The following DENND2B variants were observed in gnomAD, a reference collection of about 807,000 sequenced individuals.
The protein encoded by DENND2B is DENN domain containing 2B.
A neutral mutation model predicts 116.0 loss-of-function variants in DENND2B; 32 were observed. The observed-to-expected ratio is 0.28, with a 90% CI of 0.21 to 0.37. The LOEUF is 0.37. DENND2B is among the 10% of genes least tolerant of loss of function. The pLI, the probability that DENND2B is intolerant of heterozygous loss-of-function variation, is 1.00. For synonymous variants in DENND2B, 588 were observed against 583.9 expected (o/e 1.01, Z -0.10); for missense variants, 1,276 against 1,477.7 (o/e 0.86, Z 2.24).
upstream of DENND2B, among the ~76,000 whole-genome samples, chr11:8,812,051 A>G (rs1362648552): frequency 6.6e-6 from 1 of 152,192 alleles, no homozygotes; most frequent in Admixed American, 6.5e-5. Context: ...TGACCATTTT[A>G]TAGATGGAAA....
At chr11:8,827,832 T>C (rs1201873995) in intron 4 of DENND2B, among the ~76,000 whole-genome samples, 1 of 152,250 alleles carries the variant, frequency 6.6e-6, no homozygotes, top group Non-Finnish European at 1.5e-5. Context: ...GACTTCACCT[T>C]ATGCTCTGAG....
At chr11:8,751,196 C>CCA (rs2052387216) in intron 1 of DENND2B, among the ~76,000 whole-genome samples, 1 of 152,092 alleles carries the variant, frequency 6.6e-6, no homozygotes, top group Non-Finnish European at 1.5e-5. Context: ...ATACATCAGT[C>CCA]CACAGGCTGT....
chr11:8,702,641 C>T lies in DENND2B; in HGVS notation c.2651G>A (p.Arg884His), dbSNP rs780336210. Residue 884 changes from arginine to histidine, a missense_variant, in exon 14 of 20, where the codon CGC becomes CAC. Arg to His is a conservative substitution (Grantham distance 29, BLOSUM62 0). This residue lies in a region of DENND2B where 420 missense variants were observed against 631.1 expected (regional missense o/e 0.67). Coordinates refer to ENST00000313726, the MANE Select transcript of DENND2B (RefSeq NM_213618.2). The surrounding 1 kb of genome is among the most constrained non-coding windows in gnomAD (Gnocchi z 4.6). ...FECLFTCLSV[R>H]QLIRIFASLL... ...TGAGGCAAAGATTCGGATGAGCTGG[C>T]GCACACTGAGGCAGGTAAAAAGGCA... 46 of 1,613,820 alleles carry T rather than the reference C, an allele frequency of 2.9e-5. No individual in the cohort carries two copies. The highest frequency in any genetic ancestry group is 3.5e-5 in the Non-Finnish European group (41 of 1,180,036).
upstream of DENND2B, among the ~76,000 whole-genome samples, chr11:8,875,748 A>C (rs2063834473): frequency 6.6e-6 from 1 of 152,088 alleles, no homozygotes; most frequent in South Asian, 2.1e-4. Context: ...ACCTAAAAAA[A>C]ATTTTTTATA....
At chr11:8,850,138 C>A (rs1002453782) in intron 3 of DENND2B, among the ~76,000 whole-genome samples, 1 of 152,102 alleles carries the variant, frequency 6.6e-6, no homozygotes, top group Non-Finnish European at 1.5e-5. Flanking sequence ...CAGTCACACA[C>A]ACACACACAA....
intron 2 of DENND2B, among the ~76,000 whole-genome samples, chr11:8,736,873 G>A (rs192912331): frequency 2.5e-4 from 38 of 152,344 alleles, no homozygotes; most frequent in African/African-American, 2.2e-4. Flanking sequence ...AAGCTCTTGA[G>A]TGGATGTGAG....
At chr11:8,742,348 G>T (rs1321803253) in intron 2 of DENND2B, among the ~76,000 whole-genome samples, 2 of 152,120 alleles carry the variant, frequency 1.3e-5, no homozygotes, top group East Asian at 3.8e-4. Context: ...GAGGTGGGTG[G>T]TTGGCAGTAG....
chr11:8,875,043 GCCGGGCGCCGT>G (rs2063827661), upstream of DENND2B, among the ~76,000 whole-genome samples: 2 of 152,176 alleles, frequency 1.3e-5, no homozygotes, highest in Non-Finnish European at 2.9e-5. Flanking sequence ...AGTGTTCTAG[GCCGGGCGCCGT>G]GGCTCATGCC....
rs953195453 is a variant in DENND2B, at chr11:8,902,340, A to G, written c.-256+8481T>C. Among the ~76,000 whole-genome samples the G allele has an allele frequency of 4.6e-5, 7 of 151,372 alleles. No individual in the cohort carries two copies. In the East Asian group the frequency reaches 1.4e-3, roughly 29 times the overall value. On this transcript the variant is annotated intron_variant, in intron 1 of 22. Coordinates refer to the DENND2B transcript ENST00000534127. ...GACTCCATCTCAAAAAAAAAAAAAA[A>G]AGAGTGAGGTGTTGAAGTCCCCAAC...
At chr11:8,849,422 G>A (rs2134640805) in intron 3 of DENND2B, among the ~76,000 whole-genome samples, 1 of 144,508 alleles carries the variant, frequency 6.9e-6, no homozygotes, top group East Asian at 2.0e-4. Flanking sequence ...GAACCTGGGA[G>A]GTGGAGGTTG....
chr11:8,811,454 G>A (rs938778801), upstream of DENND2B: 84 of 395,030 alleles, frequency 2.1e-4, 1 homozygote, highest in Non-Finnish European at 2.1e-4. Context: ...GCCCTGCTAA[G>A]GATCTGCAGC....
chr11:8,730,302 C>G lies in DENND2B; in HGVS notation c.988G>C (p.Ala330Pro). 3 of 1,603,400 alleles carry G rather than the reference C, an allele frequency of 1.9e-6. No homozygotes were observed. The highest frequency in any genetic ancestry group is 2.5e-6 in the Non-Finnish European group (3 of 1,177,492). The change falls in exon 3 of 20, where the codon GCG becomes CCG. Residue 330 changes from alanine (A) to proline (P), a missense_variant. This residue lies in a region of DENND2B where 856 missense variants were observed against 846.6 expected (regional missense o/e 1.01). Transcript: ENST00000313726. This position sits in a 1 kb window ranked among gnomAD's most constrained non-coding sequence, Gnocchi z 4.1. ...LGSLEEPAGG[A>P]SVSAGSRAVG... is the part of the protein sequence containing the mutation. ...GCCCGGCTGCCAGCGCTCACACTCG[C>G]GCCCCCTGCCGGCTCCTCCAAGGAG... is the stretch of plus-strand genomic sequence containing the variant.
At chr11:8,821,119 C>CAA (rs372858193) in intron 4 of DENND2B, among the ~76,000 whole-genome samples, 25 of 102,420 alleles carry the variant, frequency 2.4e-4, no homozygotes, top group African/African-American at 7.8e-4. Flanking sequence ...GACTCTGCCT[C>CAA]AAAAAAAAAA....
chr11:8,801,689 A>AAGAAAG (rs1555198991), intron 1 of DENND2B, among the ~76,000 whole-genome samples: 2 of 117,696 alleles, frequency 1.7e-5, no homozygotes, highest in Non-Finnish European at 3.4e-5. Context: ...AAAAAAAAAA[A>AAGAAAG]AAAGAAAGAA....
intron 1 of DENND2B, among the ~76,000 whole-genome samples, chr11:8,754,044 C>CACACACACAT (rs1312347079): frequency 6.6e-6 from 1 of 151,896 alleles, no homozygotes; most frequent in African/African-American, 2.4e-5. Flanking sequence ...CACACACACA[C>CACACACACAT]ACACACACAC....
chr11:8,826,890 T>C (rs550812198), intron 4 of DENND2B, among the ~76,000 whole-genome samples: 29 of 152,222 alleles, frequency 1.9e-4, no homozygotes, highest in African/African-American at 7.0e-4. Flanking sequence ...ACCTGTGTGA[T>C]AGAGAAATCA....
At chr11:8,697,979 C>CA (rs1310426023) in intron 16 of DENND2B, 8 of 447,466 alleles carry the variant, frequency 1.8e-5, no homozygotes, top group South Asian at 6.5e-5. Flanking sequence ...AAAACACACA[C>CA]AAAAAAACAA....
chr11:8,883,454 T>G (rs1383514441), intron 1 of DENND2B, among the ~76,000 whole-genome samples: 2 of 152,218 alleles, frequency 1.3e-5, no homozygotes, highest in Admixed American at 6.5e-5. Context: ...TTTGTTTTCT[T>G]TAGTTTGGTT....
At position 8,694,482 on chromosome 11, in the gene DENND2B, A is replaced by G. The variant is rs191658150; in HGVS notation, c.3380-352T>C. On this transcript the variant is annotated intron_variant, in intron 19 of 19. Transcript: ENST00000313726. Reference sequence around the variant, plus strand: ...TGTGTCTGCAGACCTGTTATGGTCTAGAGGAAAGCTCACTGGCTCTAATGG... The same window carrying G: ...TGTGTCTGCAGACCTGTTATGGTCTGGAGGAAAGCTCACTGGCTCTAATGG... 678 of 468,902 alleles carry G rather than the reference A, an allele frequency of 1.4e-3. 8 individuals carry two copies. Among genetic ancestry groups the G allele is most frequent in the South Asian group, 6.1e-3 (376 of 61,796 alleles). 29.0% of individuals were successfully genotyped at this position (468,902 alleles called of 1,614,324 possible).
Sources: allele counts gnomAD v4.1 joint callset (sites outside exome capture counted in the v4.1 genomes callset), GRCh38; gene constraint gnomAD v4.1.1; regional missense constraint gnomAD v4.1.1; non-coding constraint Gnocchi (gnomAD v3.1); transcripts MANE v1.5; gene names NCBI Gene and HGNC (gene_info 2026-07-23, HGNC 2026-07-21).